Variants in C1orf141 observed in about 807,000 individuals in gnomAD.
The protein encoded by C1orf141 is chromosome 1 open reading frame 141.
A neutral mutation model predicts 23.2 loss-of-function variants in C1orf141; 19 were observed. The ratio of observed to expected loss-of-function variants is 0.82; its 90% CI spans 0.57 to 1.20. The LOEUF (loss-of-function observed/expected upper bound fraction) is 1.20. C1orf141 is among the 50% of genes most tolerant of loss of function. The pLI is 0.00. For missense variants in C1orf141, 469 were observed against 455.1 expected, an observed-to-expected ratio of 1.03 and a Z score of -0.28; for synonymous variants, 153 against 154.6, an observed-to-expected ratio of 0.99 and a Z score of 0.08.
At chr1:67,132,347 T>C (rs1646530127) in intron 1 of C1orf141, among the ~76,000 whole-genome samples, 1 of 151,952 alleles carries the variant, frequency 6.6e-6, no homozygotes, top group African/African-American at 2.4e-5. Flanking sequence ...GGTGAAACCC[T>C]GTGTCTACTA....
upstream of C1orf141, among the ~76,000 whole-genome samples, chr1:67,135,140 G>A (rs1045209609): frequency 2.0e-5 from 3 of 152,192 alleles, no homozygotes; most frequent in Admixed American, 2.0e-4. Flanking sequence ...AGATGCTTAC[G>A]GATATTAAAA....
intron 5 of C1orf141, chr1:67,113,764 A>G: frequency 2.5e-6 from 3 of 1,199,946 alleles, no homozygotes; most frequent in South Asian, 1.3e-5. Context: ...TCACTATATG[A>G]TTTAAGGAAA....
intron 5 of C1orf141, among the ~76,000 whole-genome samples, chr1:67,107,608 G>GC (rs896162521): frequency 3.9e-5 from 6 of 152,206 alleles, no homozygotes; most frequent in African/African-American, 1.4e-4. Context: ...TAGACATCTG[G>GC]CCTGGCATAG....
chr1:67,117,898 C>A (rs1646227422), intron 4 of C1orf141, among the ~76,000 whole-genome samples: 1 of 152,084 alleles, frequency 6.6e-6, no homozygotes, highest in Non-Finnish European at 1.5e-5. Flanking sequence ...TGTGAACTTC[C>A]ATAGAATATT....
chr1:67,096,460 G>A, intron 5 of C1orf141, 139 bp from the exon 6 acceptor site: 1 of 526,246 alleles, frequency 1.9e-6, no homozygotes, highest in Non-Finnish European at 3.4e-6. Flanking sequence ...TAGCTACCCA[G>A]TAAATATTTC....
At chr1:67,139,381 G>A (rs1039714377), upstream of C1orf141, among the ~76,000 whole-genome samples, 2 of 152,078 alleles carry the variant, frequency 1.3e-5, no homozygotes, top group Non-Finnish European at 2.9e-5. Flanking sequence ...TACATGAAAC[G>A]TTCATTATGT....
intron 2 of C1orf141, among the ~76,000 whole-genome samples, chr1:67,130,231 G>A (rs1436962128): frequency 6.6e-6 from 1 of 152,140 alleles, no homozygotes; most frequent in Non-Finnish European, 1.5e-5. Flanking sequence ...TTCAAGAGGG[G>A]GAGAAGGCTT....
At chr1:67,131,609 T>C (rs1646516743) in intron 1 of C1orf141, among the ~76,000 whole-genome samples, 1 of 151,998 alleles carries the variant, frequency 6.6e-6, no homozygotes, top group Admixed American at 6.6e-5. Flanking sequence ...TTCTAGTTTA[T>C]TCCTCCTTCC....
chr1:67,131,433 A>C (rs1558208547), intron 1 of C1orf141, among the ~76,000 whole-genome samples: 1 of 152,092 alleles, frequency 6.6e-6, no homozygotes, highest in African/African-American at 2.4e-5. Context: ...AAAACAAACA[A>C]ACGCAATGCC....
rs1475307878 is a variant in C1orf141 at position 67,117,288 on chromosome 1, T to G, written c.234-1824A>C. ...AAATACAAAAATTAGCTGGGTGTGG[T>G]GGCATGTGCCTCTAGTCCCAGCTAC... On this transcript the variant is annotated intron_variant, in intron 4 of 7. Transcript: ENST00000684719. 2.6e-5 allele frequency among the ~76,000 whole-genome samples: 4 copies of G among 152,298 alleles called. No individual in the cohort carries two copies. In the East Asian group the frequency reaches 7.7e-4, roughly 29 times the overall value.
At chr1:67,133,272 A>G (rs1646546408) in intron 1 of C1orf141, among the ~76,000 whole-genome samples, 1 of 152,240 alleles carries the variant, frequency 6.6e-6, no homozygotes, top group Admixed American at 6.5e-5. Context: ...GAAATTATCT[A>G]GAAAATGCAG....
At position 67,107,852 on chromosome 1, in the gene C1orf141, CAA is replaced by C. The variant is rs566006895; in HGVS notation, c.346+7498_346+7499del. ...TTGCAGTGAGCCGAGATCACTAAAA[CAA>C]AGAGTGTCCTTCTCTTAATAAACTT... is the stretch of plus-strand genomic sequence containing the variant. On this transcript the variant is annotated intron_variant, in intron 5 of 7. Transcript: ENST00000684719. Among the ~76,000 whole-genome samples, 100 of 152,288 alleles carry C rather than the reference CAA, an allele frequency of 6.6e-4. 1 individual carries two copies. Among genetic ancestry groups the C allele is most frequent in the African/African-American group, 2.3e-3 (95 of 41,564 alleles).
upstream of C1orf141, among the ~76,000 whole-genome samples, chr1:67,138,101 C>T (rs1646601585): frequency 1.3e-5 from 2 of 152,232 alleles, no homozygotes; most frequent in South Asian, 2.1e-4. Context: ...GCATTTCTCA[C>T]TTTTACAGAT....
At position 67,133,165 on chromosome 1, in the gene C1orf141, C is replaced by T. The variant is rs143372921; in HGVS notation, c.-104+1765G>A. Among the ~76,000 whole-genome samples the T allele has an allele frequency of 4.0e-3, 609 of 152,268 alleles. 4 individuals are homozygous for T. The highest frequency in any genetic ancestry group is 0.014 in the African/African-American group (567 of 41,548). On this transcript the variant is annotated intron_variant, in intron 1 of 7. Transcript: ENST00000684719. ...AACAAAAAATAACAAAACCCAGTGTCGTCAATATAATAGGCTCAGCTGAGA... is the reference window on the plus strand; with the variant it reads ...AACAAAAAATAACAAAACCCAGTGTTGTCAATATAATAGGCTCAGCTGAGA...
chr1:67,122,953 C>G (rs1485596690), intron 4 of C1orf141: 1 of 152,104 alleles, frequency 6.6e-6, no homozygotes, highest in African/African-American at 2.4e-5. Context: ...TCCTGTAATT[C>G]CAGCACTTTG....
Position 67,093,196 on chromosome 1 carries a change from G to T in C1orf141, c.1012C>A (p.His338Asn), listed in dbSNP as rs1485580984. 1 of 1,612,672 alleles carries T rather than the reference G, an allele frequency of 6.2e-7. No homozygotes were observed. Among genetic ancestry groups the T allele is most frequent in the East Asian group, 2.2e-5 (1 of 44,846 alleles). Residue 338 changes from histidine (H) to asparagine (N), a missense_variant, in exon 8 of 8, where the codon CAT (histidine) becomes AAT (asparagine). This residue lies in a region of C1orf141 where 370 missense variants were observed against 348.1 expected (regional missense o/e 1.06). Coordinates refer to ENST00000684719, the MANE Select transcript of C1orf141 (RefSeq NM_001276351.2). ...FVGYLDKAVI[H>N]EMSAQTGKFE... ...TTTCCAGTTTGGGCACTCATTTCAT[G>T]AATAACAGCTTTATCAAGGTAACCC...
intron 3 of C1orf141, 125 bp downstream of exon 3, chr1:67,127,041 T>C: frequency 1.9e-6 from 1 of 528,892 alleles, no homozygotes; most frequent in Non-Finnish European, 3.2e-6. Flanking sequence ...CTAGTATAAT[T>C]AGTTGCTTTT....
rs1455537664 is a variant in C1orf141, at chr1:67,131,240, GA to G, written c.-103-14del. 1 of 151,852 alleles carries G rather than the reference GA, an allele frequency of 6.6e-6. No homozygotes were observed. Among genetic ancestry groups the G allele is most frequent in the Non-Finnish European group, 1.5e-5 (1 of 67,982 alleles). 9.4% of individuals were successfully genotyped at this position (151,852 alleles called of 1,614,324 possible). ...AACATGATGAAATCTATTAAAAAAA[GA>G]AAAATACAAAAAAAGAAAAGAAAAT... On this transcript the variant is annotated splice_polypyrimidine_tract_variant and intron_variant, in intron 1 of 7. Transcript: ENST00000684719.
intron 2 of C1orf141, among the ~76,000 whole-genome samples, chr1:67,129,106 G>A (rs532378918): frequency 1.3e-5 from 2 of 151,816 alleles, no homozygotes; most frequent in East Asian, 1.9e-4. Context: ...CCTCTATCAC[G>A]TCACTACATC....
Sources: allele counts gnomAD v4.1 joint callset (sites outside exome capture counted in the v4.1 genomes callset), GRCh38; gene constraint gnomAD v4.1.1; regional missense constraint gnomAD v4.1.1; transcripts MANE v1.5; gene names NCBI Gene and HGNC (gene_info 2026-07-23, HGNC 2026-07-21).